TBCK: variants seen among roughly 807,000 people sequenced by gnomAD.
The protein encoded by TBCK is TBC domain-containing protein kinase-like protein.
In TBCK, 99 loss-of-function variants were observed where a neutral mutation model predicts 113.4. The ratio of observed to expected loss-of-function variants is 0.87; its 90% CI spans 0.74 to 1.03. The LOEUF (loss-of-function observed/expected upper bound fraction) is 1.03. Among genes scored for constraint, TBCK ranks in the 50% least tolerant of loss-of-function variants. The probability of loss-of-function intolerance (pLI) is 0.00; values close to 1 mark genes in which losing one functional copy is unlikely to be tolerated. For synonymous variants in TBCK, 369 were observed against 370.8 expected (o/e 1.00, Z 0.05); for missense variants, 1,045 against 1,061.3 (o/e 0.98, Z 0.21).
At chr4:106,133,416 A>C (rs1188359036) in intron 23 of TBCK, among the ~76,000 whole-genome samples, 2 of 152,154 alleles carry the variant, frequency 1.3e-5, no homozygotes, top group East Asian at 3.9e-4. Flanking sequence ...TTCCTTTATA[A>C]ATTACTCAGT....
At chr4:106,239,150 C>T (rs1013022219) in intron 12 of TBCK, among the ~76,000 whole-genome samples, 8 of 151,990 alleles carry the variant, frequency 5.3e-5, no homozygotes, top group Non-Finnish European at 1.0e-4. Flanking sequence ...GAAATCTAAC[C>T]AACTTGGGAA....
intron 25 of TBCK, among the ~76,000 whole-genome samples, chr4:106,088,610 G>A (rs1401787559): frequency 1.1e-4 from 16 of 152,178 alleles, no homozygotes; most frequent in African/African-American, 3.6e-4. Context: ...TATACCCAAG[G>A]AATAGAAATC....
chr4:106,219,798 C>T (rs963486880), intron 19 of TBCK, among the ~76,000 whole-genome samples: 3 of 152,056 alleles, frequency 2.0e-5, no homozygotes, highest in African/African-American at 7.2e-5. Context: ...ATTGGCCACC[C>T]AAAGTGCTGA....
rs369938372 is a variant in TBCK, at chr4:106,302,872, CT to C, written c.193+5895del. On this transcript the variant is annotated intron_variant, in intron 2 of 25. Coordinates refer to ENST00000394708, the MANE Select transcript of TBCK (RefSeq NM_001163435.3). ...AATGATCCCCGTAATTTTTCAACAT[CT>C]AATTAATGTCACTAAAGCCAGGTAA... is the stretch of plus-strand genomic sequence containing the variant. 2.2e-3 allele frequency among the ~76,000 whole-genome samples: 332 copies of C among 152,238 alleles called. 2 individuals carry two copies. Among genetic ancestry groups the C allele is most frequent in the African/African-American group, 7.0e-3 (290 of 41,546 alleles).
chr4:106,164,984 A>T (rs1239016461), intron 23 of TBCK, among the ~76,000 whole-genome samples: 1 of 144,026 alleles, frequency 6.9e-6, no homozygotes, highest in Non-Finnish European at 1.6e-5. Flanking sequence ...TTATGTAAAT[A>T]AAAAAATTAA....
chr4:106,084,460 G>A (rs896917719), intron 25 of TBCK, among the ~76,000 whole-genome samples: 24 of 152,134 alleles, frequency 1.6e-4, no homozygotes, highest in African/African-American at 4.3e-4. Flanking sequence ...ACCTATGATC[G>A]ACCGGAGTAC....
chr4:106,312,502 G>C (rs1255199893), intron 1 of TBCK, among the ~76,000 whole-genome samples: 1 of 152,100 alleles, frequency 6.6e-6, no homozygotes, highest in Admixed American at 6.5e-5. Flanking sequence ...TATTGCTAGT[G>C]GGAGCGTAAA....
At chr4:106,219,653 A>G (rs1757436944) in intron 19 of TBCK, among the ~76,000 whole-genome samples, 1 of 152,062 alleles carries the variant, frequency 6.6e-6, no homozygotes, top group Admixed American at 6.5e-5. Context: ...AGTAACTATT[A>G]TATTTTTACT....
upstream of TBCK, chr4:106,316,282 C>T (rs921062404): frequency 1.2e-4 from 46 of 388,686 alleles, no homozygotes; most frequent in African/African-American, 8.4e-4. Context: ...AAGACCCCGA[C>T]TTGTGGTGTC....
intron 12 of TBCK, among the ~76,000 whole-genome samples, chr4:106,239,684 A>T (rs550948041): frequency 6.6e-6 from 1 of 152,148 alleles, no homozygotes; most frequent in South Asian, 2.1e-4. Flanking sequence ...TGATTTAAAA[A>T]CAAAATAAAC....
At chr4:106,188,612 A>C (rs1753305836) in intron 22 of TBCK, among the ~76,000 whole-genome samples, 3 of 152,300 alleles carry the variant, frequency 2.0e-5, no homozygotes, top group African/African-American at 7.2e-5. Context: ...CTATAGAGAA[A>C]GGCCTTCCTA....
At chr4:106,157,705 C>T (rs1749293536) in intron 23 of TBCK, among the ~76,000 whole-genome samples, 1 of 152,106 alleles carries the variant, frequency 6.6e-6, no homozygotes, top group South Asian at 2.1e-4. Flanking sequence ...AAGACTGTTT[C>T]TACCCTCCTC....
At chr4:106,182,337 C>T (rs566224397) in intron 22 of TBCK, 4 of 152,050 alleles carry the variant, frequency 2.6e-5, no homozygotes, top group East Asian at 3.9e-4. Flanking sequence ...GACTTCCTCT[C>T]TTCCTATATG....
chr4:106,079,762 GA>G (rs1419803967), intron 25 of TBCK, among the ~76,000 whole-genome samples: 1 of 152,094 alleles, frequency 6.6e-6, no homozygotes, highest in South Asian at 2.1e-4. Context: ...TATTCATAAA[GA>G]AAAAAAGTTT....
chr4:106,051,186 A>G (rs1734764672), intron 25 of TBCK, among the ~76,000 whole-genome samples: 1 of 151,914 alleles, frequency 6.6e-6, no homozygotes. Flanking sequence ...GTAGAACAGA[A>G]TCATGTCTCT....
At chr4:106,074,393 C>T (rs927265755) in intron 25 of TBCK, among the ~76,000 whole-genome samples, 8 of 152,072 alleles carry the variant, frequency 5.3e-5, no homozygotes, top group Non-Finnish European at 4.4e-5. Context: ...TAAATAAGTA[C>T]TAGAAAACAA....
intron 25 of TBCK, among the ~76,000 whole-genome samples, chr4:106,087,847 G>A (rs1304441894): frequency 1.3e-5 from 2 of 152,202 alleles, no homozygotes; most frequent in African/African-American, 2.4e-5. Flanking sequence ...GAGCAGTGGG[G>A]AAAGGATCTC....
At chr4:106,120,386 G>A (rs1335994037) in intron 23 of TBCK, among the ~76,000 whole-genome samples, 1 of 152,264 alleles carries the variant, frequency 6.6e-6, no homozygotes, top group African/African-American at 2.4e-5. Context: ...GCGAGGCTGG[G>A]GGAGGGGCGC....
chr4:106,197,790 T>C (rs1351276020), intron 20 of TBCK, among the ~76,000 whole-genome samples: 2 of 152,084 alleles, frequency 1.3e-5, no homozygotes, highest in African/African-American at 4.8e-5. Context: ...ACACCATTAT[T>C]ATAGTCACTT....
Sources: gnomAD v4.1 joint callset for allele counts (sites outside exome capture counted in the v4.1 genomes callset) on GRCh38, gnomAD v4.1.1 for gene constraint, MANE v1.5 for transcripts, NCBI Gene and HGNC (gene_info 2026-07-23, HGNC 2026-07-21) for gene names.